Variants in ROBO1 observed in about 807,000 individuals in gnomAD.
ROBO1 encodes roundabout homolog 1.
A neutral mutation model predicts 195.9 loss-of-function variants in ROBO1; 149 were observed. The ratio of observed to expected loss-of-function variants is 0.76; its 90% CI spans 0.67 to 0.87. The LOEUF (loss-of-function observed/expected upper bound fraction) is 0.87, where lower values mean the gene tolerates loss of function less well. ROBO1 is among the 40% of genes least tolerant of loss of function. The probability of loss-of-function intolerance (pLI) is 0.00; values close to 1 mark genes in which losing one functional copy is unlikely to be tolerated. For synonymous variants in ROBO1, 816 were observed against 733.2 expected, an observed-to-expected ratio of 1.11 and a Z score of -1.82; for missense variants, 1,933 against 2,068.3, an observed-to-expected ratio of 0.93 and a Z score of 1.27.
At chr3:79,507,249 A>G (rs1940449358) in intron 2 of ROBO1, among the ~76,000 whole-genome samples, 1 of 152,196 alleles carries the variant, frequency 6.6e-6, no homozygotes. Context: ...TTTGATAAAA[A>G]TGTAGACCAC....
intron 20 of ROBO1, 79 bp downstream of exon 20, chr3:78,647,550 G>T: frequency 1.5e-6 from 2 of 1,357,656 alleles, no homozygotes; most frequent in Non-Finnish European, 1.1e-6. Flanking sequence ...TGCAGAAAAT[G>T]AAATAAAAAC....
intron 2 of ROBO1, among the ~76,000 whole-genome samples, chr3:79,209,359 TG>T (rs757631422): frequency 6.6e-5 from 10 of 152,234 alleles, no homozygotes; most frequent in Non-Finnish European, 1.0e-4. Context: ...CCATGGTGTA[TG>T]TAACCACATT....
At chr3:79,476,406 G>C (rs1177883265) in intron 2 of ROBO1, among the ~76,000 whole-genome samples, 2 of 152,036 alleles carry the variant, frequency 1.3e-5, no homozygotes, top group Admixed American at 1.3e-4. Flanking sequence ...ACTCACTACT[G>C]AGTATCTACT....
chr3:79,221,675 C>T (rs2108827508), intron 2 of ROBO1, among the ~76,000 whole-genome samples: 1 of 152,132 alleles, frequency 6.6e-6, no homozygotes, highest in South Asian at 2.1e-4. Context: ...AAAGGCAGTA[C>T]ATACAAGTTT....
chr3:79,038,433 A>G (rs958438358), intron 3 of ROBO1, among the ~76,000 whole-genome samples: 33 of 152,194 alleles, frequency 2.2e-4, no homozygotes, highest in Non-Finnish European at 4.3e-4. Flanking sequence ...TCACACTGCC[A>G]TCTTTATGTT....
chr3:79,390,876 G>A (rs142957455), intron 2 of ROBO1, among the ~76,000 whole-genome samples: 8 of 152,148 alleles, frequency 5.3e-5, no homozygotes, highest in East Asian at 1.9e-4. Context: ...ATGAGAGCAC[G>A]GTAACTGAAC....
At chr3:78,913,711 G>C (rs2038390928) in intron 4 of ROBO1, among the ~76,000 whole-genome samples, 1 of 151,906 alleles carries the variant, frequency 6.6e-6, no homozygotes, top group South Asian at 2.1e-4. Context: ...AAATGTTAGA[G>C]TTTCTGATTA....
At chr3:78,965,199 T>G (rs1370049059) in intron 3 of ROBO1, among the ~76,000 whole-genome samples, 1 of 152,066 alleles carries the variant, frequency 6.6e-6, no homozygotes, top group Non-Finnish European at 1.5e-5. Flanking sequence ...TTTCTGAAAC[T>G]CTTCTAAAAC....
intron 2 of ROBO1, among the ~76,000 whole-genome samples, chr3:79,445,481 G>GT (rs34514488): frequency 0.025 from 2,135 of 85,676 alleles, 35 homozygotes; most frequent in African/African-American, 0.041. Context: ...TACAGAAATT[G>GT]TTTTTTTTTT....
intron 3 of ROBO1, among the ~76,000 whole-genome samples, chr3:78,963,266 A>C (rs1372195801): frequency 6.6e-6 from 1 of 151,994 alleles, no homozygotes; most frequent in Non-Finnish European, 1.5e-5. Flanking sequence ...GGGATGAAGT[A>C]CCAAAAGCAA....
At chr3:78,873,823 T>C (rs1402146607) in intron 4 of ROBO1, among the ~76,000 whole-genome samples, 1 of 152,102 alleles carries the variant, frequency 6.6e-6, no homozygotes, top group Non-Finnish European at 1.5e-5. Flanking sequence ...GCTGGAAAGT[T>C]TACACTTCAA....
chr3:79,334,846 C>T (rs1409282038), intron 2 of ROBO1, among the ~76,000 whole-genome samples: 1 of 151,830 alleles, frequency 6.6e-6, no homozygotes, highest in Non-Finnish European at 1.5e-5. Flanking sequence ...TGGCTCATGC[C>T]TATAATCCCA....
chr3:78,884,541 AAAAGAAAG>A (rs755335627), intron 4 of ROBO1, among the ~76,000 whole-genome samples: 9 of 151,408 alleles, frequency 5.9e-5, no homozygotes, highest in African/African-American at 9.7e-5. Context: ...TGCCCCTCAA[AAAAGAAAG>A]AAAGAAAGAG....
intron 3 of ROBO1, among the ~76,000 whole-genome samples, chr3:78,947,103 A>G (rs1443176495): frequency 6.7e-6 from 1 of 149,070 alleles, no homozygotes; most frequent in East Asian, 1.9e-4. Flanking sequence ...TATCAACATT[A>G]GACAGATCAA....
intron 3 of ROBO1, among the ~76,000 whole-genome samples, chr3:79,120,824 A>C (rs983895703): frequency 6.6e-6 from 1 of 152,194 alleles, no homozygotes; most frequent in Admixed American, 6.6e-5. Flanking sequence ...GACTCATCTA[A>C]GGATAGTTTG....
intron 3 of ROBO1, among the ~76,000 whole-genome samples, chr3:79,063,179 A>T (rs1324589228): frequency 6.6e-6 from 1 of 151,842 alleles, no homozygotes; most frequent in Non-Finnish European, 1.5e-5. Context: ...ATAACATTTT[A>T]TGTACAAAAG....
intron 5 of ROBO1, among the ~76,000 whole-genome samples, chr3:78,737,419 G>A (rs1163671624): frequency 1.3e-5 from 2 of 152,022 alleles, no homozygotes. Context: ...CAATAATAAA[G>A]AGAACACCAT....
intron 1 of ROBO1, among the ~76,000 whole-genome samples, chr3:79,744,113 A>T (rs1333623534): frequency 2.0e-5 from 3 of 152,192 alleles, no homozygotes; most frequent in Admixed American, 1.3e-4. Flanking sequence ...AGTGCAGTAA[A>T]TTTTTTTACA....
intron 2 of ROBO1, among the ~76,000 whole-genome samples, chr3:79,438,412 C>A (rs1575825713): frequency 6.6e-6 from 1 of 151,774 alleles, no homozygotes; most frequent in East Asian, 1.9e-4. Context: ...TTTGTAAAGT[C>A]AAGTGTGTAA....
Sources: allele counts gnomAD v4.1 joint callset (sites outside exome capture counted in the v4.1 genomes callset), GRCh38; gene constraint gnomAD v4.1.1; transcripts MANE v1.5; gene names NCBI Gene and HGNC (gene_info 2026-07-23, HGNC 2026-07-21).